Variants in PTBP2 observed in about 807,000 individuals in gnomAD.
PTBP2 encodes the protein polypyrimidine tract-binding protein 2.
Under a neutral mutation model 61.4 loss-of-function variants are expected in PTBP2, and 13 were observed. The ratio of observed to expected loss-of-function variants is 0.21; its 90% CI spans 0.14 to 0.34. The LOEUF is 0.34. PTBP2 is among the 10% of genes least tolerant of loss of function. PTBP2 has a pLI of 1.00. For synonymous variants in PTBP2, 215 were observed against 218.5 expected, an observed-to-expected ratio of 0.98 and a Z score of 0.14; for missense variants, 405 against 642.6, an observed-to-expected ratio of 0.63 and a Z score of 4.00.
At chr1:96,795,446 G>A (rs1218748002) in intron 8 of PTBP2, among the ~76,000 whole-genome samples, 1 of 152,172 alleles carries the variant, frequency 6.6e-6, no homozygotes. Flanking sequence ...TTGGGTAAGA[G>A]TTCTGTGGAG....
intron 2 of PTBP2, among the ~76,000 whole-genome samples, chr1:96,728,961 C>T (rs917030218): frequency 2.0e-5 from 3 of 152,076 alleles, no homozygotes; most frequent in African/African-American, 7.2e-5. Context: ...ATGATTATGG[C>T]ATATTGCTCA....
At chr1:96,788,853 G>T (rs1465302133) in intron 8 of PTBP2, among the ~76,000 whole-genome samples, 1 of 151,842 alleles carries the variant, frequency 6.6e-6, no homozygotes, top group Non-Finnish European at 1.5e-5. Flanking sequence ...TTAATGCTAG[G>T]TATCACAGTG....
chr1:96,779,621 G>A (rs1230614121), intron 7 of PTBP2, among the ~76,000 whole-genome samples: 1 of 152,004 alleles, frequency 6.6e-6, no homozygotes, highest in Non-Finnish European at 1.5e-5. Flanking sequence ...ATGCACTCAG[G>A]TCTTCTTGAC....
chr1:96,736,989 T>A (rs574201497), intron 2 of PTBP2, among the ~76,000 whole-genome samples: 1 of 147,836 alleles, frequency 6.8e-6, no homozygotes, highest in Admixed American at 6.8e-5. Flanking sequence ...TCTTTCTTTC[T>A]TTTTTTTTTA....
intron 9 of PTBP2, among the ~76,000 whole-genome samples, chr1:96,805,554 A>G (rs1233703046): frequency 2.0e-5 from 3 of 150,346 alleles, no homozygotes; most frequent in Non-Finnish European, 1.5e-5. Context: ...ATTTATTGCT[A>G]AGTTATTTTC....
Position 96,724,851 on chromosome 1 carries a change from T to TATAATA in PTBP2, c.39+1260_39+1265dup, listed in dbSNP as rs946109404. On this transcript the variant is annotated intron_variant, in intron 2 of 13. Coordinates refer to ENST00000674951, the MANE Select transcript of PTBP2 (RefSeq NM_021190.4). The stretch of plus-strand genomic sequence containing the variant: ...TACTCATGTACCCTAAAACTTAAAG[T>TATAATA]ATAATAATGATAATAATAATTGTAT... Among the ~76,000 whole-genome samples the TATAATA allele has an allele frequency of 3.3e-5, 5 of 152,202 alleles. No individual in the cohort carries two copies. In the South Asian group the frequency reaches 1.0e-3, roughly 32 times the overall value.
At chr1:96,797,944 T>C (rs888171205) in intron 8 of PTBP2, among the ~76,000 whole-genome samples, 37 of 152,042 alleles carry the variant, frequency 2.4e-4, no homozygotes, top group African/African-American at 3.4e-4. Context: ...GGTGTGGTGG[T>C]GGGTGCCTGT....
intron 8 of PTBP2, among the ~76,000 whole-genome samples, chr1:96,788,162 A>G (rs1372014799): frequency 6.6e-6 from 1 of 152,142 alleles, no homozygotes; most frequent in Non-Finnish European, 1.5e-5. Flanking sequence ...GATAGTCACA[A>G]TTTGCTAAAT....
chr1:96,729,630 GTTC>G (rs1651098871), intron 2 of PTBP2, among the ~76,000 whole-genome samples: 1 of 151,678 alleles, frequency 6.6e-6, no homozygotes, highest in African/African-American at 2.4e-5. Context: ...AGTTTGTTTA[GTTC>G]TTCTTGAGTG....
chr1:96,790,087 C>T (rs1019689918), intron 8 of PTBP2, among the ~76,000 whole-genome samples: 2 of 152,058 alleles, frequency 1.3e-5, no homozygotes, highest in African/African-American at 4.8e-5. Context: ...ATAGTCCTCT[C>T]CCTCTCTCTA....
chr1:96,744,959 G>T (rs958207357), intron 2 of PTBP2, among the ~76,000 whole-genome samples: 6 of 152,024 alleles, frequency 3.9e-5, no homozygotes, highest in African/African-American at 7.2e-5. Flanking sequence ...AGGTGTAATT[G>T]TCCTCTCACA....
intron 2 of PTBP2, among the ~76,000 whole-genome samples, chr1:96,724,440 C>T (rs1269982020): frequency 6.6e-6 from 1 of 151,752 alleles, no homozygotes; most frequent in Non-Finnish European, 1.5e-5. Flanking sequence ...GTAGAAATGG[C>T]ATTTCACCCT....
chr1:96,729,779 C>G (rs183060718), intron 2 of PTBP2, among the ~76,000 whole-genome samples: 1 of 147,388 alleles, frequency 6.8e-6, no homozygotes, highest in Non-Finnish European at 1.5e-5. Context: ...CTCTGTCGCC[C>G]GGGCTGGAGT....
At chr1:96,750,820 G>T (rs1327385939) in intron 2 of PTBP2, among the ~76,000 whole-genome samples, 1 of 151,994 alleles carries the variant, frequency 6.6e-6, no homozygotes, top group Non-Finnish European at 1.5e-5. Flanking sequence ...TCACTGGCTG[G>T]TTTGAACAAC....
At chr1:96,803,777 CAA>C (rs1661251384) in intron 8 of PTBP2, among the ~76,000 whole-genome samples, 1 of 152,164 alleles carries the variant, frequency 6.6e-6, no homozygotes, top group Non-Finnish European at 1.5e-5. Flanking sequence ...ACTTATGGAA[CAA>C]GAGTGCTAAG....
chr1:96,753,235 A>G lies in PTBP2; in HGVS notation c.115+1735A>G, dbSNP rs527585875. ...ATGGTGATTCCATAGGTTGCACGGT[A>G]CTCTGAAACATTGGAGTTCTGAGAA... On this transcript the variant is annotated intron_variant, in intron 3 of 13. Transcript: ENST00000674951. 2.6e-5 allele frequency among the ~76,000 whole-genome samples: 4 copies of G among 152,248 alleles called. No homozygotes were observed. In the East Asian group the frequency reaches 7.7e-4, roughly 29 times the overall value.
chr1:96,775,038 A>C (rs1046851072), intron 5 of PTBP2, among the ~76,000 whole-genome samples: 18 of 152,200 alleles, frequency 1.2e-4, no homozygotes, highest in Admixed American at 1.2e-3. Flanking sequence ...TCACATGGCC[A>C]GTGTTAAATA....
intron 2 of PTBP2, among the ~76,000 whole-genome samples, chr1:96,747,327 T>A (rs1653971375): frequency 6.6e-6 from 1 of 152,192 alleles, no homozygotes; most frequent in African/African-American, 2.4e-5. Flanking sequence ...TGTGATACGG[T>A]TTCTTATAGA....
intron 5 of PTBP2, among the ~76,000 whole-genome samples, chr1:96,776,659 T>A (rs1658078842): frequency 3.9e-5 from 6 of 151,956 alleles, no homozygotes; most frequent in Admixed American, 3.9e-4. Context: ...TAGAACTATT[T>A]GCCTTTGTAT....
Sources: gnomAD v4.1 joint callset for allele counts (sites outside exome capture counted in the v4.1 genomes callset) on GRCh38, gnomAD v4.1.1 for gene constraint, MANE v1.5 for transcripts, NCBI Gene and HGNC (gene_info 2026-07-23, HGNC 2026-07-21) for gene names.